The following MKRN2 variants were observed in gnomAD, a reference collection of about 807,000 sequenced individuals.
MKRN2 encodes the protein E3 ubiquitin-protein ligase makorin-2.
MKRN2 carries 32 observed loss-of-function variants against 45.4 expected under a neutral mutation model. The observed-to-expected ratio is 0.70, with a 90% CI of 0.53 to 0.95. The LOEUF (loss-of-function observed/expected upper bound fraction) is 0.95, where lower values mean the gene tolerates loss of function less well. Ranked by LOEUF, MKRN2 falls within the 40% of genes least tolerant of loss-of-function variation. The pLI, the probability that MKRN2 is intolerant of heterozygous loss-of-function variation, is 0.00. For missense variants in MKRN2, 526 were observed against 536.7 expected (o/e 0.98, Z 0.20); for synonymous variants, 206 against 192.4 (o/e 1.07, Z -0.59).
chr3:12,569,429 GAATTAC>G (rs1559388523), intron 2 of MKRN2, among the ~76,000 whole-genome samples: 34 of 151,920 alleles, frequency 2.2e-4, no homozygotes, highest in Non-Finnish European at 2.9e-5. Context: ...CAAAGTGCTG[GAATTAC>G]AGGCGTGAGC....
rs1262884041 is a variant in MKRN2, at chr3:12,573,923, G to C, written c.643-869G>C. On this transcript the variant is annotated intron_variant, in intron 4 of 7. Transcript: ENST00000170447. ...AAAAAAAAAATTATTTTATTTTTCA[G>C]AGGTGAGGTCTTGCTATGTTGCTTA... Among the ~76,000 whole-genome samples the C allele has an allele frequency of 2.6e-5, 4 of 152,116 alleles. No homozygotes were observed. In the East Asian group the frequency reaches 7.7e-4, roughly 29 times the overall value.
chr3:12,580,103 G>GGT (rs1315303949), intron 6 of MKRN2, among the ~76,000 whole-genome samples: 1 of 152,142 alleles, frequency 6.6e-6, no homozygotes, highest in East Asian at 1.9e-4. Flanking sequence ...AACACAGTTG[G>GGT]GTGTGAGAGC....
At chr3:12,570,499 C>T (rs2058092146) in intron 3 of MKRN2, among the ~76,000 whole-genome samples, 1 of 152,134 alleles carries the variant, frequency 6.6e-6, no homozygotes, top group South Asian at 2.1e-4. Context: ...AACATAAAAA[C>T]ACAATCTTTT....
chr3:12,559,294 A>G (rs1397735270), intron 1 of MKRN2, among the ~76,000 whole-genome samples: 1 of 152,200 alleles, frequency 6.6e-6, no homozygotes, highest in African/African-American at 2.4e-5. Context: ...CAGCTTATCT[A>G]CCAAAAGCTT....
At position 12,583,682 on chromosome 3, in the gene MKRN2, AAAC is replaced by A. The variant is rs1369288019; in HGVS notation, c.*1432_*1434del. ...AACTGTATTTTGTCAGGTGCAATAA[AAAC>A]AAAATTAAAACCCAAATCATCAAGA... On this transcript the variant is annotated 3_prime_UTR_variant, in exon 8 of 8. Coordinates refer to ENST00000170447, the MANE Select transcript of MKRN2 (RefSeq NM_014160.5). 2 of 233,316 alleles carry A rather than the reference AAAC, an allele frequency of 8.6e-6. No individual in the cohort carries two copies. The highest frequency in any genetic ancestry group is 1.7e-5 in the Non-Finnish European group (2 of 118,038). 14.5% of individuals were successfully genotyped at this position (233,316 alleles called of 1,614,324 possible). A position where few individuals can be genotyped will look rare whatever the true frequency, so the allele number is the denominator to read the frequency against.
At chr3:12,566,253 C>T (rs1325042826) in intron 1 of MKRN2, among the ~76,000 whole-genome samples, 1 of 152,302 alleles carries the variant, frequency 6.6e-6, no homozygotes, top group East Asian at 1.9e-4. Context: ...GAATATGCCT[C>T]CAGGTAGGAA....
rs2058195030 is a variant in MKRN2 at position 12,582,819 on chromosome 3, T to TTCAAGTTCTC, written c.*573_*582dup. ...TAGGGCTTTAAGGGTGGTCATTTTT[T>TTCAAGTTCTC]TCAAGTTCTCTCAAGTGTCCCAAAT... is the stretch of plus-strand genomic sequence containing the variant. On this transcript the variant is annotated 3_prime_UTR_variant, in exon 8 of 8. Coordinates refer to ENST00000170447, the MANE Select transcript of MKRN2 (RefSeq NM_014160.5). 6.5e-6 allele frequency: 1 copy of TTCAAGTTCTC among 153,008 alleles called. No individual in the cohort carries two copies. The highest frequency in any genetic ancestry group is 1.9e-4 in the East Asian group (1 of 5,200). 9.5% of individuals were successfully genotyped at this position (153,008 alleles called of 1,614,324 possible).
chr3:12,572,274 TG>T lies in MKRN2; in HGVS notation c.547del (p.Asp183MetfsTer36), dbSNP rs1303786135. 6.2e-7 allele frequency: 1 copy of T among 1,614,034 alleles called. No homozygotes were observed. The highest frequency in any genetic ancestry group is 1.1e-5 in the South Asian group (1 of 91,078). ...ACGCAGCTGCTGGGGAGTGCCGGTT[TG>T]GGGATGCCTGTGTCTACCTGCACGG... ...PYAAAGECRF[G>X]DACVYLHGEV... is the part of the protein sequence containing the mutation. On this transcript the variant is annotated frameshift_variant, in exon 4 of 8. Transcript: ENST00000170447. LOFTEE classifies it high-confidence loss of function.
intron 4 of MKRN2, 100 bp from the exon 5 acceptor site, chr3:12,574,692 C>T: frequency 8.9e-7 from 1 of 1,127,626 alleles, no homozygotes; most frequent in Non-Finnish European, 1.3e-6. Flanking sequence ...AGTGTTCCTT[C>T]CTGATCTCAG....
At chr3:12,561,236 A>C (rs535963870) in intron 1 of MKRN2, among the ~76,000 whole-genome samples, 1 of 152,320 alleles carries the variant, frequency 6.6e-6, no homozygotes, top group East Asian at 1.9e-4. Context: ...AATTAACTAG[A>C]AGCTCTGGTT....
intron 4 of MKRN2, among the ~76,000 whole-genome samples, chr3:12,574,058 C>T (rs1373798405): frequency 2.0e-5 from 3 of 152,080 alleles, no homozygotes; most frequent in Admixed American, 2.0e-4. Flanking sequence ...TTTAAATGGA[C>T]AGCGTATTCC....
chr3:12,576,618 A>G lies in MKRN2; in HGVS notation c.858-13A>G. ...ACATGACTTCTCCCTTAGTAATCTA[A>G]TTCTTATTTCAGGTCTTGTCCAGAA... On this transcript the variant is annotated splice_polypyrimidine_tract_variant and intron_variant, in intron 5 of 7. Coordinates refer to ENST00000170447, the MANE Select transcript of MKRN2 (RefSeq NM_014160.5). The G allele has an allele frequency of 5.1e-6, 8 of 1,563,062 alleles. No homozygotes were observed. Among genetic ancestry groups the G allele is most frequent in the Non-Finnish European group, 7.0e-6 (8 of 1,134,828 alleles).
At chr3:12,564,340 A>G (rs1194072137) in intron 1 of MKRN2, among the ~76,000 whole-genome samples, 3 of 152,318 alleles carry the variant, frequency 2.0e-5, no homozygotes, top group East Asian at 1.9e-4. Flanking sequence ...CTGTTTTTCT[A>G]TAGAAGCTGC....
chr3:12,568,777 A>G (rs936931704), intron 1 of MKRN2, 98 bp from the exon 2 acceptor site: 5 of 1,484,344 alleles, frequency 3.4e-6, no homozygotes, highest in South Asian at 2.6e-5. Flanking sequence ...TACATAATAT[A>G]TGCCTGGTAA....
chr3:12,562,759 C>G (rs897848945), intron 1 of MKRN2, among the ~76,000 whole-genome samples: 1 of 151,932 alleles, frequency 6.6e-6, no homozygotes, highest in African/African-American at 2.4e-5. Context: ...GTCAGCTGTG[C>G]ATGTGAGGGA....
At chr3:12,579,354 A>T (rs941527155) in intron 6 of MKRN2, among the ~76,000 whole-genome samples, 4 of 151,892 alleles carry the variant, frequency 2.6e-5, no homozygotes, top group African/African-American at 9.7e-5. Context: ...TTTAGTAGGG[A>T]TGGGGTTTCG....
At chr3:12,582,031 G>A (rs1011287756) in intron 7 of MKRN2, 79 bp downstream of exon 7, 40 of 1,609,148 alleles carry the variant, frequency 2.5e-5, no homozygotes, top group Non-Finnish European at 3.0e-5. Context: ...GCAGAGAAAT[G>A]GGGTAGGCAA....
chr3:12,582,552 AAAAC>A lies in MKRN2; in HGVS notation c.*304_*307del, dbSNP rs993726897. On this transcript the variant is annotated 3_prime_UTR_variant, in exon 8 of 8. Transcript: ENST00000170447. ...AAACTGTTTGGATTGATTGCTTTAA[AAAAC>A]AAACCTGGCTCTTACCTTTGATCTT... 3.8e-5 allele frequency: 11 copies of A among 287,174 alleles called. No homozygotes were observed. In the Admixed American group the frequency reaches 4.1e-4, roughly 11 times the overall value. The allele number at this position is 287,174 out of a possible 1,614,324, so 17.8% of individuals were successfully genotyped here.
At chr3:12,560,863 A>G (rs1340818717) in intron 1 of MKRN2, 1 of 152,260 alleles carries the variant, frequency 6.6e-6, no homozygotes, top group Non-Finnish European at 1.5e-5. Flanking sequence ...CGGTTTGTCC[A>G]TCAGAAAGGT....
Sources: allele counts gnomAD v4.1 joint callset (sites outside exome capture counted in the v4.1 genomes callset), GRCh38; gene constraint gnomAD v4.1.1; transcripts MANE v1.5; gene names NCBI Gene and HGNC (gene_info 2026-07-23, HGNC 2026-07-21).